The following CYCS variants were observed in gnomAD, a reference collection of about 807,000 sequenced individuals.
CYCS encodes the protein cytochrome c.
For synonymous variants in CYCS, 41 were observed against 43.0 expected (o/e 0.95, Z 0.18); for missense variants, 87 against 125.3 (o/e 0.69, Z 1.46).
rs1462323304 is a variant in CYCS, at chr7:25,123,406, T to C, written c.*295A>G. 2 of 378,332 alleles carry C rather than the reference T, an allele frequency of 5.3e-6. No homozygotes were observed. Among genetic ancestry groups the C allele is most frequent in the African/African-American group, 4.1e-5 (2 of 48,348 alleles). The allele number at this position is 378,332 out of a possible 1,614,324, so 23.4% of individuals were successfully genotyped here. A position where few individuals can be genotyped will look rare whatever the true frequency, so the allele number is the denominator to read the frequency against. ...AACCAATCTCCAGTAAGTTTTAAGA[T>C]GGCACTCACCATCTTTGTGAAAAGT... On this transcript the variant is annotated 3_prime_UTR_variant, in exon 3 of 3. Transcript: ENST00000305786.
Position 25,123,767 on chromosome 7 carries a change from G to A in CYCS, c.252C>T (p.Val84=), listed in dbSNP as rs759347650. The change falls in exon 3 of 3, where the codon GTC becomes GTT. Residue 84 remains valine, a synonymous_variant. Coordinates refer to ENST00000305786, the MANE Select transcript of CYCS (RefSeq NM_018947.6). ...CCCTTTCTTCCTTCTTCTTAATGCC[G>A]ACAAAGATCATTTTTGTTCCAGGGA... ...KYIPGTKMIF[V]GIKKKEERAD... 42 of 1,610,954 alleles carry A rather than the reference G, an allele frequency of 2.6e-5. No individual in the cohort carries two copies. Among genetic ancestry groups the A allele is most frequent in the South Asian group, 4.4e-5 (4 of 91,076 alleles).
intron 2 of CYCS, 36 bp downstream of exon 2, chr7:25,123,915 C>A (rs1783400861): frequency 6.2e-7 from 1 of 1,613,940 alleles, no homozygotes; most frequent in African/African-American, 1.3e-5. Context: ...TATATTCCTG[C>A]ATTTTGTGTT....
Position 25,121,776 on chromosome 7 carries a change from A to T in CYCS, c.*1925T>A, listed in dbSNP as rs1218969654. 4 of 152,172 alleles carry T rather than the reference A, an allele frequency of 2.6e-5. No individual in the cohort carries two copies. Among genetic ancestry groups the T allele is most frequent in the African/African-American group, 9.7e-5 (4 of 41,422 alleles). The allele number at this position is 152,172 out of a possible 1,614,324, so 9.4% of individuals were successfully genotyped here. ...TGGCAAAACTCCATCTCTACAAAAA[A>T]ATTAGCTGGGCATGGTGGCGAACAC... On this transcript the variant is annotated 3_prime_UTR_variant, in exon 3 of 3. Transcript: ENST00000305786.
In CYCS at chr7:25,122,022, CA is replaced by C. The variant is rs11427893; in HGVS notation, c.*1678del. On this transcript the variant is annotated 3_prime_UTR_variant, in exon 3 of 3. Coordinates refer to ENST00000305786, the MANE Select transcript of CYCS (RefSeq NM_018947.6). ...GTTTCCTGTATCATTTCCAGGATGC[CA>C]AAAAAAAAAAAAATCAACTCTCTAG... The C allele has an allele frequency of 5.5e-4, 80 of 146,274 alleles. No homozygotes were observed. The highest frequency in any genetic ancestry group is 1.0e-3 in the East Asian group (5 of 4,996). 9.1% of individuals were successfully genotyped at this position (146,274 alleles called of 1,614,324 possible). A position where few individuals can be genotyped will look rare whatever the true frequency, so the allele number is the denominator to read the frequency against.
intron 1 of CYCS, among the ~76,000 whole-genome samples, 187 bp from the exon 2 acceptor site, chr7:25,124,314 G>T (rs886889113): frequency 1.3e-5 from 2 of 151,766 alleles, no homozygotes; most frequent in African/African-American, 4.8e-5. Context: ...ACATTTTTAG[G>T]AGTACCTCCT....
rs891264584 is a variant in CYCS, at chr7:25,120,841, T to C, written c.*2860A>G. 2.6e-5 allele frequency: 4 copies of C among 152,262 alleles called. No homozygotes were observed. The highest frequency in any genetic ancestry group is 5.9e-5 in the Non-Finnish European group (4 of 68,060). 9.4% of individuals were successfully genotyped at this position (152,262 alleles called of 1,614,324 possible). A position where few individuals can be genotyped will look rare whatever the true frequency, so the allele number is the denominator to read the frequency against. ...ATGTCCTTTTTAAAAAATTACATAA[T>C]TGGCCAGGCGTGGTGGCTCACGCCT... On this transcript the variant is annotated 3_prime_UTR_variant, in exon 3 of 3. Coordinates refer to ENST00000305786, the MANE Select transcript of CYCS (RefSeq NM_018947.6).
chr7:25,119,460 G>T lies in CYCS; in HGVS notation c.*4241C>A, dbSNP rs970205188. Among the ~76,000 whole-genome samples the T allele has an allele frequency of 1.3e-5, 2 of 152,132 alleles. No individual in the cohort carries two copies. The highest frequency in any genetic ancestry group is 2.9e-5 in the Non-Finnish European group (2 of 68,034). ...CCAGCTAGTTTTTATATTTTTGGTAGAGATGGGGTTTCACCATGTTGGCCA... is the reference window on the plus strand; with the variant it reads ...CCAGCTAGTTTTTATATTTTTGGTATAGATGGGGTTTCACCATGTTGGCCA... On this transcript the variant is annotated 3_prime_UTR_variant, in exon 3 of 3. Coordinates refer to ENST00000305786, the MANE Select transcript of CYCS (RefSeq NM_018947.6).
chr7:25,124,498 C>T (rs1368876483), intron 1 of CYCS, among the ~76,000 whole-genome samples: 5 of 152,210 alleles, frequency 3.3e-5, no homozygotes, highest in African/African-American at 1.2e-4. Flanking sequence ...TTTAAAAAGA[C>T]CTAACCATTT....
At chr7:25,125,061 C>CCAG (rs1344085492) in intron 1 of CYCS, 139 bp downstream of exon 1, 1 of 152,408 alleles carries the variant, frequency 6.6e-6, no homozygotes, top group Admixed American at 6.5e-5. Context: ...TGACCACAGT[C>CCAG]CAGGGTCTTC....
At position 25,124,093 on chromosome 7, in the gene CYCS, C is replaced by T; in HGVS notation, c.27G>A (p.Lys9=). ...ACTGGGAACACTTCATAATAAAAATCTTCTTGCCTTTCTCAACATCACCCA... is the reference window on the plus strand; with the variant it reads ...ACTGGGAACACTTCATAATAAAAATTTTCTTGCCTTTCTCAACATCACCCA... MGDVEKGK[K]IFIMKCSQCH... is the part of the protein sequence containing the mutation. The change falls in exon 2 of 3, where the codon AAG becomes AAA. Residue 9 remains lysine (K), a synonymous_variant. Coordinates refer to ENST00000305786, the MANE Select transcript of CYCS (RefSeq NM_018947.6). The T allele has an allele frequency of 2.5e-6, 4 of 1,613,768 alleles. No individual in the cohort carries two copies. Among genetic ancestry groups the T allele is most frequent in the Non-Finnish European group, 3.4e-6 (4 of 1,179,966 alleles).
At position 25,119,281 on chromosome 7, in the gene CYCS, T is replaced by C. The variant is rs1783321650; in HGVS notation, c.*4420A>G. On this transcript the variant is annotated 3_prime_UTR_variant, in exon 3 of 3. Transcript: ENST00000305786. ...TGAATATTTTCCATTCTAAGGAAAC[T>C]TTTTTTCTTTTTGAGACGGAGTTTC... Among the ~76,000 whole-genome samples, 1 of 152,162 alleles carries C rather than the reference T, an allele frequency of 6.6e-6. No homozygotes were observed. The highest frequency in any genetic ancestry group is 2.4e-5 in the African/African-American group (1 of 41,442).
Position 25,122,812 on chromosome 7 carries a change from GCA to G in CYCS, c.*887_*888del, listed in dbSNP as rs1271677554. On this transcript the variant is annotated 3_prime_UTR_variant, in exon 3 of 3. Transcript: ENST00000305786. ...ATTTGTGCATCAGTCATGAAATCAA[GCA>G]CAGTCAAAAAGTCATGATCTGTGGT... The G allele has an allele frequency of 6.6e-6, 1 of 152,198 alleles. No individual in the cohort carries two copies. The highest frequency in any genetic ancestry group is 2.4e-5 in the African/African-American group (1 of 41,452). 9.4% of individuals were successfully genotyped at this position (152,198 alleles called of 1,614,324 possible). A position where few individuals can be genotyped will look rare whatever the true frequency, so the allele number is the denominator to read the frequency against.
Position 25,123,495 on chromosome 7 carries a change from A to G in CYCS, c.*206T>C. The G allele has an allele frequency of 3.5e-6, 2 of 578,650 alleles. No individual in the cohort carries two copies. The highest frequency in any genetic ancestry group is 4.0e-5 in the South Asian group (2 of 50,264). 35.8% of individuals were successfully genotyped at this position (578,650 alleles called of 1,614,324 possible). A position where few individuals can be genotyped will look rare whatever the true frequency, so the allele number is the denominator to read the frequency against. On this transcript the variant is annotated 3_prime_UTR_variant, in exon 3 of 3. Transcript: ENST00000305786. ...GGGTAAACAGTGATACCATTTACTG[A>G]ATTGGAGTTACTATTAAAATTCAAA...
rs191350311 is a variant in CYCS at position 25,120,686 on chromosome 7, T to C, written c.*3015A>G. The C allele has an allele frequency of 9.2e-5, 14 of 152,334 alleles. No homozygotes were observed. Among genetic ancestry groups the C allele is most frequent in the Admixed American group, 5.2e-4 (8 of 15,306 alleles). 9.4% of individuals were successfully genotyped at this position (152,334 alleles called of 1,614,324 possible). ...GGCATCTGAATACCCCTTAAATACA[T>C]CTGGCCCTTGTTTTTGATTCTACCA... On this transcript the variant is annotated 3_prime_UTR_variant, in exon 3 of 3. Transcript: ENST00000305786.
At position 25,119,861 on chromosome 7, in the gene CYCS, T is replaced by C. The variant is rs1253228828; in HGVS notation, c.*3840A>G. Among the ~76,000 whole-genome samples, 1 of 152,192 alleles carries C rather than the reference T, an allele frequency of 6.6e-6. No individual in the cohort carries two copies. The highest frequency in any genetic ancestry group is 2.4e-5 in the African/African-American group (1 of 41,446). ...GGATTCTATCACACCCTTTATAATT[T>C]ACAGCAATCTTCAGTGGTTAAAGCA... On this transcript the variant is annotated 3_prime_UTR_variant, in exon 3 of 3. Transcript: ENST00000305786.
chr7:25,123,724 G>A lies in CYCS; in HGVS notation c.295C>T (p.Leu99Phe). The A allele has an allele frequency of 6.2e-7, 1 of 1,602,542 alleles. No homozygotes were observed. Among genetic ancestry groups the A allele is most frequent in the Non-Finnish European group, 8.5e-7 (1 of 1,179,866 alleles). The change falls in exon 3 of 3, where the codon CTC becomes TTC. Residue 99 changes from leucine to phenylalanine, a missense_variant. Leu to Phe is a conservative substitution (Grantham distance 22, BLOSUM62 0). Transcript: ENST00000305786. ...KEERADLIAY[L>F]KKATNE Reference sequence around the variant, plus strand: ...TATTACTCATTAGTAGCTTTTTTGAGATAAGCTATTAAGTCTGCCCTTTCT... The same window carrying A: ...TATTACTCATTAGTAGCTTTTTTGAAATAAGCTATTAAGTCTGCCCTTTCT...
rs1251190818 is a variant in CYCS at position 25,120,516 on chromosome 7, C to G, written c.*3185G>C. 6.6e-6 allele frequency: 1 copy of G among 152,228 alleles called. No homozygotes were observed. Among genetic ancestry groups the G allele is most frequent in the Non-Finnish European group, 1.5e-5 (1 of 68,040 alleles). The allele number at this position is 152,228 out of a possible 1,614,324, so 9.4% of individuals were successfully genotyped here. ...ATGTAAATTTAAAATAAAATACTTT[C>G]TAGTCACACTAGCTATATTTCAAGG... On this transcript the variant is annotated 3_prime_UTR_variant, in exon 3 of 3. Transcript: ENST00000305786.
In CYCS at chr7:25,123,632, A is replaced by T. The variant is rs1482333857; in HGVS notation, c.*69T>A. On this transcript the variant is annotated 3_prime_UTR_variant, in exon 3 of 3. Transcript: ENST00000305786. ...TGAATTCTGGTGTATGAGATCTATTAAAGGATGGTACACATAAAAAAGTCA... is the reference window on the plus strand; with the variant it reads ...TGAATTCTGGTGTATGAGATCTATTTAAGGATGGTACACATAAAAAAGTCA... The T allele has an allele frequency of 3.0e-6, 4 of 1,344,726 alleles. No homozygotes were observed. The highest frequency in any genetic ancestry group is 4.2e-6 in the Non-Finnish European group (4 of 950,706). The allele number at this position is 1,344,726 out of a possible 1,614,324, so 83.3% of individuals were successfully genotyped here.
rs771686993 is a variant in CYCS, at chr7:25,120,675, C to A, written c.*3026G>T. 1 of 152,208 alleles carries A rather than the reference C, an allele frequency of 6.6e-6. No homozygotes were observed. Among genetic ancestry groups the A allele is most frequent in the Non-Finnish European group, 1.5e-5 (1 of 68,048 alleles). 9.4% of individuals were successfully genotyped at this position (152,208 alleles called of 1,614,324 possible). On this transcript the variant is annotated 3_prime_UTR_variant, in exon 3 of 3. Transcript: ENST00000305786. Reference sequence around the variant, plus strand: ...AGCATGTAGGTGGCATCTGAATACCCCTTAAATACATCTGGCCCTTGTTTT... The same window carrying A: ...AGCATGTAGGTGGCATCTGAATACCACTTAAATACATCTGGCCCTTGTTTT...
Sources: gnomAD v4.1 joint callset for allele counts (sites outside exome capture counted in the v4.1 genomes callset) on GRCh38, gnomAD v4.1.1 for gene constraint, MANE v1.5 for transcripts, NCBI Gene and HGNC (gene_info 2026-07-23, HGNC 2026-07-21) for gene names.